GAA: variants seen among roughly 807,000 people sequenced by gnomAD.
GAA encodes lysosomal alpha-glucosidase.
A neutral mutation model predicts 103.9 loss-of-function variants in GAA; 88 were observed. The observed-to-expected ratio is 0.85, with a 90% CI of 0.71 to 1.01. GAA has a LOEUF of 1.01. Ranked by LOEUF, GAA falls within the 50% of genes least tolerant of loss-of-function variation. The pLI is 0.00. For missense variants in GAA, 1,350 were observed against 1,305.3 expected (o/e 1.03, Z -0.53); for synonymous variants, 572 against 563.1 (o/e 1.02, Z -0.22).
chr17:80,108,461 C>A, intron 6 of GAA, 28 bp from the exon 7 acceptor site: 2 of 1,613,232 alleles, frequency 1.2e-6, no homozygotes, highest in Non-Finnish European at 1.7e-6. Context: ...CCTCCTCCCT[C>A]CCTCATGAAG....
At chr17:80,110,894 C>G in intron 10 of GAA, 47 bp from the exon 11 acceptor site, 1 of 1,613,206 alleles carries the variant, frequency 6.2e-7, no homozygotes. Flanking sequence ...CTACCCCACC[C>G]TCCTCACTCT....
intron 15 of GAA, among the ~76,000 whole-genome samples, chr17:80,115,620 C>T (rs1453188074): frequency 1.3e-5 from 2 of 152,184 alleles, no homozygotes; most frequent in African/African-American, 4.8e-5. Flanking sequence ...CATCTGTGGG[C>T]CATACTTTCT....
intron 14 of GAA, 69 bp from the exon 15 acceptor site, chr17:80,113,149 G>A (rs960023297): frequency 2.4e-4 from 365 of 1,512,546 alleles, no homozygotes; most frequent in Non-Finnish European, 3.1e-4. Flanking sequence ...CAGCTCTCCC[G>A]AGGCGGGGAC....
At chr17:80,110,181 A>G in intron 9 of GAA, 126 bp downstream of exon 9, 1 of 737,824 alleles carries the variant, frequency 1.4e-6, no homozygotes, top group African/African-American at 1.8e-5. Flanking sequence ...GCTGAGAGGA[A>G]TGGGCCACAG....
chr17:80,110,011 G>T lies in GAA; in HGVS notation c.1393G>T (p.Gly465Trp), dbSNP rs1257379580. The T allele has an allele frequency of 1.2e-6, 2 of 1,613,358 alleles. No individual in the cohort carries two copies. The highest frequency in any genetic ancestry group is 3.3e-4 in the Middle Eastern group (2 of 6,060). Reference protein sequence around the residue: ...YRPYDEGLRRGVFITNETGQP... With the variant: ...YRPYDEGLRRWVFITNETGQP... ...GCCCTACGACGAGGGTCTGCGGAGGGGGGTTTTCATCACCAACGAGACCGG... is the reference window on the plus strand; with the variant it reads ...GCCCTACGACGAGGGTCTGCGGAGGTGGGTTTTCATCACCAACGAGACCGG... The change falls in exon 9 of 20, where the codon GGG (glycine) becomes TGG (tryptophan). Residue 465 changes from glycine (G) to tryptophan (W), a missense_variant. Physicochemically the swap from Gly to Trp is radical, Grantham distance 184. Transcript: ENST00000302262.
At position 80,112,000 on chromosome 17, in the gene GAA, C is replaced by T; in HGVS notation, c.1654C>T (p.Leu552Phe). 1 of 1,613,812 alleles carries T rather than the reference C, an allele frequency of 6.2e-7. No homozygotes were observed. Among genetic ancestry groups the T allele is most frequent in the Non-Finnish European group, 8.5e-7 (1 of 1,179,892 alleles). The change falls in exon 12 of 20, where the codon CTC becomes TTC. Residue 552 changes from leucine to phenylalanine, a missense_variant. Leu to Phe is a conservative substitution (Grantham distance 22). Transcript: ENST00000302262. ...PYVPGVVGGT[L>F]QAATICASSH... ...TCTTCCAGGGGTGGTTGGGGGGACC[C>T]TCCAGGCGGCCACCATCTGTGCCTC...
chr17:80,108,788 A>G lies in GAA; in HGVS notation c.1286A>G (p.Gln429Arg), dbSNP rs200294882. The G allele has an allele frequency of 2.5e-4, 406 of 1,607,726 alleles. 1 individual carries two copies. The East Asian group carries it at 8.1e-3, about 32-fold the overall frequency. The part of the protein sequence containing the change: ...DGFRDFPAMV[Q>R]ELHQGGRRYM... ...TTCCGGGACTTCCCGGCCATGGTGC[A>G]GGAGCTGCACCAGGGCGGCCGGCGC... Residue 429 changes from glutamine (Q) to arginine (R), a missense_variant, in exon 8 of 20, where the codon CAG becomes CGG. By Grantham distance (43) the Gln-to-Arg change is conservative (BLOSUM62 1). Transcript: ENST00000302262.
chr17:80,112,646 G>C lies in GAA; in HGVS notation c.1823G>C (p.Arg608Pro), dbSNP rs377126280. 4 of 1,612,714 alleles carry C rather than the reference G, an allele frequency of 2.5e-6. No individual in the cohort carries two copies. The highest frequency in any genetic ancestry group is 1.3e-5 in the African/African-American group (1 of 75,042). Residue 608 changes from arginine to proline, a missense_variant, in exon 13 of 20, where the codon CGA becomes CCA. By Grantham distance (103) the Arg-to-Pro change is moderately radical. Coordinates refer to ENST00000302262, the MANE Select transcript of GAA (RefSeq NM_000152.5). Reference protein sequence around the residue: ...ISRSTFAGHGRYAGHWTGDVW... With the variant: ...ISRSTFAGHGPYAGHWTGDVW... ...CGCTCGACCTTTGCTGGCCACGGCC[G>C]ATACGCCGGCCACTGGACGGGGGAC...
Position 80,118,716 on chromosome 17 carries a change from G to A in GAA, c.2710G>A (p.Val904Met), listed in dbSNP as rs1318562880. 2 of 1,613,296 alleles carry A rather than the reference G, an allele frequency of 1.2e-6. No individual in the cohort carries two copies. The highest frequency in any genetic ancestry group is 4.5e-5 in the East Asian group (2 of 44,894). Reference sequence around the variant, plus strand: ...GGGAGCTGGCCTGCAGCTGCAGAAGGTGACTGTCCTGGGCGTGGCCACGGC... The same window carrying A: ...GGGAGCTGGCCTGCAGCTGCAGAAGATGACTGTCCTGGGCGTGGCCACGGC... ...SEGAGLQLQK[V>M]TVLGVATAPQ... The change falls in exon 19 of 20, where the codon GTG becomes ATG. Residue 904 changes from valine to methionine, a missense_variant. Physicochemically the swap from Val to Met is conservative, Grantham distance 21. Transcript: ENST00000302262.
intron 1 of GAA, among the ~76,000 whole-genome samples, chr17:80,103,291 C>T (rs1015180793): frequency 1.3e-5 from 2 of 152,192 alleles, no homozygotes; most frequent in Admixed American, 6.5e-5. Flanking sequence ...TCCTCAGAGA[C>T]GCAGACCCCT....
At chr17:80,116,287 T>G (rs2143914535) in intron 15 of GAA, among the ~76,000 whole-genome samples, 1 of 152,360 alleles carries the variant, frequency 6.6e-6, no homozygotes, top group South Asian at 2.1e-4. Flanking sequence ...CAACAGTACA[T>G]ATCAGTCAAT....
chr17:80,119,103 C>T (rs909091257), intron 19 of GAA, among the ~76,000 whole-genome samples, 169 bp from the exon 20 acceptor site: 3 of 152,102 alleles, frequency 2.0e-5, no homozygotes, highest in Non-Finnish European at 2.9e-5. Flanking sequence ...CTGCGCCTGC[C>T]GGGGAGGAAC....
chr17:80,115,504 C>T (rs1445433658), intron 15 of GAA, among the ~76,000 whole-genome samples: 2 of 152,160 alleles, frequency 1.3e-5, no homozygotes, highest in African/African-American at 4.8e-5. Flanking sequence ...GACACGGTTT[C>T]GCTGAGCTCT....
rs1329049814 is a variant in GAA, at chr17:80,105,139, A to C, written c.546+7A>C. 4 of 1,601,032 alleles carry C rather than the reference A, an allele frequency of 2.5e-6. No homozygotes were observed. In the Admixed American group the frequency reaches 5.0e-5, roughly 20 times the overall value. ...GAACCGCCTCCACTTCACGGTGGGC[A>C]GGGCAGGGGCGGGGGCGGCGGCCAG... is the stretch of plus-strand genomic sequence containing the variant. On this transcript the variant is annotated splice_region_variant and intron_variant, in intron 2 of 19. Transcript: ENST00000302262.
chr17:80,105,815 C>G lies in GAA; in HGVS notation c.613C>G (p.Pro205Ala), dbSNP rs1341008786. Residue 205 changes from proline (P) to alanine (A), a missense_variant, in exon 3 of 20, where the codon CCG becomes GCG. Pro to Ala is a conservative substitution (Grantham distance 27). Transcript: ENST00000302262. ...LETPHVHSRA[P>A]SPLYSVEFSE... The stretch of plus-strand genomic sequence containing the variant: ...GACCCCGCATGTCCACAGCCGGGCA[C>G]CGTCCCCACTCTACAGCGTGGAGTT... 6.2e-7 allele frequency: 1 copy of G among 1,610,806 alleles called. No homozygotes were observed. Among genetic ancestry groups the G allele is most frequent in the Non-Finnish European group, 8.5e-7 (1 of 1,179,986 alleles).
rs768222178 is a variant in GAA, at chr17:80,108,654, G to A, written c.1195-43G>A. The A allele has an allele frequency of 1.9e-5, 30 of 1,612,572 alleles. No individual in the cohort carries two copies. In the Middle Eastern group the frequency reaches 6.6e-4, roughly 35 times the overall value. On this transcript the variant is annotated intron_variant, in intron 7 of 19. Coordinates refer to ENST00000302262, the MANE Select transcript of GAA (RefSeq NM_000152.5). ...GGAGGCAAGGGGCTGGCCGGGACGC[G>A]TCTCCTCAGGCCCCAGCAGACGGTC... is the stretch of plus-strand genomic sequence containing the variant.
intron 15 of GAA, among the ~76,000 whole-genome samples, chr17:80,115,712 C>A (rs1247265906): frequency 6.6e-6 from 1 of 152,202 alleles, no homozygotes; most frequent in African/African-American, 2.4e-5. Flanking sequence ...ATTCCCCATC[C>A]CCCTCAGGTC....
At chr17:80,103,279 G>A (rs1033958556) in intron 1 of GAA, among the ~76,000 whole-genome samples, 2 of 152,172 alleles carry the variant, frequency 1.3e-5, no homozygotes, top group African/African-American at 2.4e-5. Flanking sequence ...TCCAAGGCCC[G>A]TTCCTCAGAG....
chr17:80,109,160 G>T (rs895486274), intron 8 of GAA, among the ~76,000 whole-genome samples: 7 of 152,072 alleles, frequency 4.6e-5, no homozygotes, highest in South Asian at 2.1e-4. Flanking sequence ...CTGGGCATGG[G>T]TATCGCTGGA....
Sources: gnomAD v4.1 joint callset for allele counts (sites outside exome capture counted in the v4.1 genomes callset) on GRCh38, gnomAD v4.1.1 for gene constraint, MANE v1.5 for transcripts, NCBI Gene and HGNC (gene_info 2026-07-23, HGNC 2026-07-21) for gene names.